GRM7: variants seen among roughly 807,000 people sequenced by gnomAD.
GRM7 encodes metabotropic glutamate receptor 7.
A neutral mutation model predicts 84.5 loss-of-function variants in GRM7; 35 were observed. The observed-to-expected ratio is 0.41, with a 90% CI of 0.32 to 0.55. The LOEUF (loss-of-function observed/expected upper bound fraction) is 0.55, where lower values mean the gene tolerates loss of function less well. Among genes scored for constraint, GRM7 ranks in the 20% least tolerant of loss-of-function variants. The probability of loss-of-function intolerance (pLI) is 0.19; values close to 1 mark genes in which losing one functional copy is unlikely to be tolerated. For missense variants in GRM7, 1,003 were observed against 1,194.6 expected (o/e 0.84, Z 2.36); for synonymous variants, 487 against 455.1 (o/e 1.07, Z -0.89).
chr3:7,094,998 C>A (rs555955979), intron 1 of GRM7, among the ~76,000 whole-genome samples: 28 of 145,640 alleles, frequency 1.9e-4, no homozygotes, highest in African/African-American at 7.2e-4. Flanking sequence ...TTTTTTTAAC[C>A]TGGGGAGTCT....
At chr3:7,404,017 A>C (rs1240429623) in intron 4 of GRM7, among the ~76,000 whole-genome samples, 1 of 152,092 alleles carries the variant, frequency 6.6e-6, no homozygotes, top group Non-Finnish European at 1.5e-5. Flanking sequence ...GGGAAGCTAA[A>C]AACATGGATG....
At chr3:7,511,017 C>T (rs1202721523) in intron 7 of GRM7, among the ~76,000 whole-genome samples, 1 of 152,226 alleles carries the variant, frequency 6.6e-6, no homozygotes, top group African/African-American at 2.4e-5. Context: ...TTAGGGTGGT[C>T]AGAATTCCTT....
chr3:6,929,914 C>G (rs1049314075), intron 1 of GRM7, among the ~76,000 whole-genome samples: 4 of 152,148 alleles, frequency 2.6e-5, no homozygotes, highest in Non-Finnish European at 4.4e-5. Flanking sequence ...CGCTTCTCCT[C>G]CGGAGATCAA....
At chr3:7,383,176 A>G (rs1179632194) in intron 4 of GRM7, among the ~76,000 whole-genome samples, 1 of 152,194 alleles carries the variant, frequency 6.6e-6, no homozygotes, top group East Asian at 1.9e-4. Flanking sequence ...ATAGGTTCTC[A>G]TGGAAAATGA....
At chr3:7,448,896 G>A (rs1425584606) in intron 5 of GRM7, among the ~76,000 whole-genome samples, 2 of 152,028 alleles carry the variant, frequency 1.3e-5, no homozygotes, top group African/African-American at 4.8e-5. Context: ...TCAATTATTA[G>A]TCTGAACCTA....
intron 4 of GRM7, among the ~76,000 whole-genome samples, chr3:7,397,173 A>C (rs969948516): frequency 5.9e-5 from 9 of 152,194 alleles, no homozygotes; most frequent in Non-Finnish European, 1.3e-4. Flanking sequence ...AAAACAAGAT[A>C]AAGAAGAAAC....
intron 2 of GRM7, among the ~76,000 whole-genome samples, chr3:7,178,553 G>A (rs1196847068): frequency 6.6e-6 from 1 of 152,024 alleles, no homozygotes; most frequent in Non-Finnish European, 1.5e-5. Flanking sequence ...GTTTGTATAG[G>A]TTTATACGCT....
At chr3:7,350,057 A>G (rs1239520754) in intron 4 of GRM7, among the ~76,000 whole-genome samples, 1 of 152,114 alleles carries the variant, frequency 6.6e-6, no homozygotes, top group Non-Finnish European at 1.5e-5. Context: ...GTAGCAGGTC[A>G]TTGCTGGGAT....
At chr3:7,275,981 T>G (rs1204812211) in intron 2 of GRM7, among the ~76,000 whole-genome samples, 1 of 151,984 alleles carries the variant, frequency 6.6e-6, no homozygotes, top group Non-Finnish European at 1.5e-5. Context: ...AGCTCATGAG[T>G]TTTTGCTCTG....
intron 1 of GRM7, among the ~76,000 whole-genome samples, chr3:7,097,615 T>C (rs1024462604): frequency 5.9e-5 from 9 of 152,136 alleles, no homozygotes; most frequent in Admixed American, 5.9e-4. Flanking sequence ...GAATCTTTAA[T>C]TTTTGACTAA....
intron 1 of GRM7, among the ~76,000 whole-genome samples, chr3:7,058,220 A>G (rs1697301842): frequency 6.6e-6 from 1 of 151,950 alleles, no homozygotes; most frequent in Non-Finnish European, 1.5e-5. Flanking sequence ...AGTTCTATAA[A>G]ATAACCACAT....
chr3:7,689,898 A>G (rs1700732778), intron 9 of GRM7, among the ~76,000 whole-genome samples: 1 of 152,144 alleles, frequency 6.6e-6, no homozygotes, highest in African/African-American at 2.4e-5. Context: ...CAGGGAGCTC[A>G]GATCTGATGG....
At chr3:7,262,728 G>T (rs534304597) in intron 2 of GRM7, among the ~76,000 whole-genome samples, 1 of 2,496 alleles carries the variant, frequency 4.0e-4, no homozygotes, top group Admixed American at 8.8e-3. Context: ...ATGGAGTCTC[G>T]CTTTGTCACA....
intron 5 of GRM7, among the ~76,000 whole-genome samples, chr3:7,431,047 T>C (rs995299398): frequency 3.3e-5 from 5 of 152,054 alleles, no homozygotes; most frequent in East Asian, 3.9e-4. Context: ...ACATAATGAC[T>C]GTGCTTGTTG....
At chr3:6,939,584 TG>T (rs1165603424) in intron 1 of GRM7, among the ~76,000 whole-genome samples, 1 of 152,184 alleles carries the variant, frequency 6.6e-6, no homozygotes, top group Non-Finnish European at 1.5e-5. Context: ...GATAGTGAGA[TG>T]TATGAAATTA....
intron 1 of GRM7, among the ~76,000 whole-genome samples, chr3:6,897,729 T>TAAG (rs1420079449): frequency 6.6e-6 from 1 of 152,198 alleles, no homozygotes; most frequent in Non-Finnish European, 1.5e-5. Context: ...AGAAATGTAT[T>TAAG]AAGAAGTTCA....
chr3:7,038,316 C>A (rs999804785), intron 1 of GRM7, among the ~76,000 whole-genome samples: 1 of 152,138 alleles, frequency 6.6e-6, no homozygotes, highest in Non-Finnish European at 1.5e-5. Context: ...CCTTATTGAC[C>A]GGGCTTCTTA....
chr3:7,044,875 T>C (rs1247445633), intron 1 of GRM7, among the ~76,000 whole-genome samples: 1 of 152,180 alleles, frequency 6.6e-6, no homozygotes, highest in Non-Finnish European at 1.5e-5. Flanking sequence ...TGAACTTTCT[T>C]TGGTGTTTAT....
At chr3:7,693,360 A>C (rs1358370347) in intron 9 of GRM7, among the ~76,000 whole-genome samples, 1 of 151,928 alleles carries the variant, frequency 6.6e-6, no homozygotes, top group Non-Finnish European at 1.5e-5. Context: ...GTGAAAAGCT[A>C]ATTCCCCCCA....
Sources: gnomAD v4.1 joint callset for allele counts (sites outside exome capture counted in the v4.1 genomes callset) on GRCh38, gnomAD v4.1.1 for gene constraint, MANE v1.5 for transcripts, NCBI Gene and HGNC (gene_info 2026-07-23, HGNC 2026-07-21) for gene names.